The following CNNM2 variants were observed in gnomAD, a reference collection of about 807,000 sequenced individuals.
CNNM2 encodes the protein metal transporter CNNM2.
In CNNM2, 12 loss-of-function variants were observed where a neutral mutation model predicts 66.9. That is an observed-to-expected ratio of 0.18 (90% CI 0.11 to 0.29). The LOEUF is 0.29. Among genes scored for constraint, CNNM2 ranks in the 10% least tolerant of loss-of-function variants. The pLI, the probability that CNNM2 is intolerant of heterozygous loss-of-function variation, is 1.00. For synonymous variants in CNNM2, 557 were observed against 501.8 expected, an observed-to-expected ratio of 1.11 and a Z score of -1.47; for missense variants, 705 against 1,167.7, an observed-to-expected ratio of 0.60 and a Z score of 5.77.
chr10:103,047,821 C>T (rs938230106), intron 1 of CNNM2, among the ~76,000 whole-genome samples: 6 of 152,138 alleles, frequency 3.9e-5, no homozygotes, highest in African/African-American at 1.4e-4. Context: ...TTTTAACAAT[C>T]GTTTGTTAAT....
At chr10:102,968,747 A>G (rs909051784) in intron 1 of CNNM2, among the ~76,000 whole-genome samples, 1 of 151,634 alleles carries the variant, frequency 6.6e-6, no homozygotes, top group Admixed American at 6.6e-5. Flanking sequence ...GGGACTACAT[A>G]CAGGTGCACG....
chr10:102,979,213 T>C (rs368408299), intron 1 of CNNM2, among the ~76,000 whole-genome samples: 14 of 152,332 alleles, frequency 9.2e-5, no homozygotes, highest in African/African-American at 3.1e-4. Context: ...TTTTCCAAAA[T>C]GGTTGTACCC....
intron 1 of CNNM2, among the ~76,000 whole-genome samples, chr10:102,935,387 GGAGGTCAAGGCTACAGT>G (rs1846201726): frequency 6.6e-6 from 1 of 151,932 alleles, no homozygotes; most frequent in Non-Finnish European, 1.5e-5. Flanking sequence ...ACTTGAGCCA[GGAGGTCAAGGCTACAGT>G]GAGCTGTGAT....
At chr10:103,008,640 G>A (rs1163025302) in intron 1 of CNNM2, among the ~76,000 whole-genome samples, 7 of 152,150 alleles carry the variant, frequency 4.6e-5, no homozygotes, top group Admixed American at 6.5e-5. Flanking sequence ...TTAGCCGGGC[G>A]TGGTGGCACA....
In CNNM2 at chr10:103,076,073, C is replaced by T. The variant is rs1488126556; in HGVS notation, c.2234-13C>T. 3 of 1,599,714 alleles carry T rather than the reference C, an allele frequency of 1.9e-6. No individual in the cohort carries two copies. Among genetic ancestry groups the T allele is most frequent in the Non-Finnish European group, 2.6e-6 (3 of 1,170,914 alleles). On this transcript the variant is annotated splice_polypyrimidine_tract_variant and intron_variant, in intron 6 of 7. Coordinates refer to ENST00000369878, the MANE Select transcript of CNNM2 (RefSeq NM_017649.5). Reference sequence around the variant, plus strand: ...CTTCACTTAAACAGTTGGATTTTTCCCTCCTTTTCCAGGTGAAAATAAGTC... The same window carrying T: ...CTTCACTTAAACAGTTGGATTTTTCTCTCCTTTTCCAGGTGAAAATAAGTC...
chr10:102,928,919 CATT>C (rs1272822434), intron 1 of CNNM2, among the ~76,000 whole-genome samples: 1 of 152,204 alleles, frequency 6.6e-6, no homozygotes, highest in Non-Finnish European at 1.5e-5. Flanking sequence ...TCAAGAGAGA[CATT>C]TTAGCGTGTG....
chr10:103,032,558 T>C (rs1420090114), intron 1 of CNNM2, among the ~76,000 whole-genome samples: 1 of 152,096 alleles, frequency 6.6e-6, no homozygotes, highest in Non-Finnish European at 1.5e-5. Flanking sequence ...CTATATATAA[T>C]TATGATTAAT....
intron 1 of CNNM2, among the ~76,000 whole-genome samples, chr10:103,044,419 G>T (rs1419481990): frequency 6.6e-6 from 1 of 152,108 alleles, no homozygotes; most frequent in Non-Finnish European, 1.5e-5. Context: ...AGTTGGGCAT[G>T]GTGGTGCACG....
chr10:103,087,986 GA>G lies in CNNM2; in HGVS notation c.*10812del, dbSNP rs2065887516. 1 of 152,090 alleles carries G rather than the reference GA, an allele frequency of 6.6e-6. No homozygotes were observed. Among genetic ancestry groups the G allele is most frequent in the South Asian group, 2.1e-4 (1 of 4,822 alleles). 9.4% of individuals were successfully genotyped at this position (152,090 alleles called of 1,614,324 possible). On this transcript the variant is annotated 3_prime_UTR_variant, in exon 8 of 8. Transcript: ENST00000369878. ...AGTCCTGTTCCAAAAATCTTTCTGT[GA>G]AAAAATTGAGGCCTATGTAACACCA...
chr10:102,994,094 G>A (rs775291650), intron 1 of CNNM2, among the ~76,000 whole-genome samples: 15 of 152,038 alleles, frequency 9.9e-5, no homozygotes, highest in African/African-American at 1.4e-4. Context: ...ATGCCACCAC[G>A]CCGAGCTAAT....
chr10:103,001,703 G>A (rs573829236), intron 1 of CNNM2, among the ~76,000 whole-genome samples: 7 of 152,110 alleles, frequency 4.6e-5, no homozygotes, highest in African/African-American at 1.4e-4. Flanking sequence ...CTAAATGTAC[G>A]AACTAAAGCT....
chr10:103,050,893 A>T lies in CNNM2; in HGVS notation c.1765+1043A>T, dbSNP rs148346123. 2.7e-3 allele frequency among the ~76,000 whole-genome samples: 404 copies of T among 152,170 alleles called. 1 individual carries two copies. Among genetic ancestry groups the T allele is most frequent in the African/African-American group, 9.4e-3 (392 of 41,494 alleles). ...TTAAAGTGTAAAATATGATTGCTGG[A>T]CTGTGGAGCTTAAATCTTCTTTGGC... On this transcript the variant is annotated intron_variant, in intron 2 of 7. Transcript: ENST00000369878.
intron 1 of CNNM2, among the ~76,000 whole-genome samples, chr10:102,954,113 TTTC>T (rs756635054): frequency 2.6e-4 from 36 of 136,552 alleles, no homozygotes; most frequent in Non-Finnish European, 4.5e-4. Context: ...GTATTTTTCT[TTTC>T]TTTTCTTTTC....
chr10:103,048,981 G>GGA (rs1428742999), intron 1 of CNNM2, among the ~76,000 whole-genome samples: 2 of 152,084 alleles, frequency 1.3e-5, no homozygotes, highest in Admixed American at 1.3e-4. Context: ...CAGGAAGCTG[G>GGA]GACTGTAGGC....
In CNNM2 at chr10:103,005,504, C is replaced by A. The variant is rs1390692027; in HGVS notation, c.1622-44203C>A. Among the ~76,000 whole-genome samples, 4 of 151,992 alleles carry A rather than the reference C, an allele frequency of 2.6e-5. No homozygotes were observed. The East Asian group carries it at 7.9e-4, about 30-fold the overall frequency. On this transcript the variant is annotated intron_variant, in intron 1 of 7. Coordinates refer to ENST00000369878, the MANE Select transcript of CNNM2 (RefSeq NM_017649.5). Reference sequence around the variant, plus strand: ...TCTCTGCTAAAAATACAAAAATTAGCCAAGCATGGTGGTGCACACCTGTAA... The same window carrying A: ...TCTCTGCTAAAAATACAAAAATTAGACAAGCATGGTGGTGCACACCTGTAA...
intron 1 of CNNM2, among the ~76,000 whole-genome samples, chr10:102,979,189 G>A (rs1358740734): frequency 6.6e-6 from 1 of 152,140 alleles, no homozygotes; most frequent in Non-Finnish European, 1.5e-5. Context: ...TTCGGGCTTT[G>A]TATTACCAAA....
chr10:102,939,538 CT>C (rs1846353723), intron 1 of CNNM2, among the ~76,000 whole-genome samples: 1 of 152,078 alleles, frequency 6.6e-6, no homozygotes, highest in Non-Finnish European at 1.5e-5. Context: ...CTTCCTTTTT[CT>C]TTTTAGGTTC....
Position 102,931,551 on chromosome 10 carries a change from T to C in CNNM2, c.1621+11450T>C, listed in dbSNP as rs1189712233. On this transcript the variant is annotated intron_variant, in intron 1 of 7. Coordinates refer to ENST00000369878, the MANE Select transcript of CNNM2 (RefSeq NM_017649.5). ...TTTGTATTTTTAGTAGAGACGGGGT[T>C]TCTCCATGTTGGTCAGGCTGGTCTT... Among the ~76,000 whole-genome samples, 1 of 152,098 alleles carries C rather than the reference T, an allele frequency of 6.6e-6. No homozygotes were observed. The highest frequency in any genetic ancestry group is 1.5e-5 in the Non-Finnish European group (1 of 68,006).
In CNNM2 at chr10:103,076,982, G is replaced by A; in HGVS notation, c.2430G>A (p.Gln810=). Residue 810 remains glutamine, a synonymous_variant, in exon 8 of 8, where the codon CAG becomes CAA. Coordinates refer to ENST00000369878, the MANE Select transcript of CNNM2 (RefSeq NM_017649.5). The part of the protein sequence containing the change: ...SDLQFVKISR[Q]QYQNALMASR... ...TCTTCTGGCCCCAGATCTCAAGACA[G>A]CAATACCAAAATGCCTTGATGGCAT... 6.2e-7 allele frequency: 1 copy of A among 1,613,758 alleles called. No homozygotes were observed.
Sources: allele counts gnomAD v4.1 joint callset (sites outside exome capture counted in the v4.1 genomes callset), GRCh38; gene constraint gnomAD v4.1.1; transcripts MANE v1.5; gene names NCBI Gene and HGNC (gene_info 2026-07-23, HGNC 2026-07-21).